The following DNAH3 variants were observed in gnomAD, a reference collection of about 807,000 sequenced individuals.
DNAH3 encodes the protein axonemal beta dynein heavy chain 3.
In DNAH3, 332 loss-of-function variants were observed where a neutral mutation model predicts 432.5. The ratio of observed to expected loss-of-function variants is 0.77; its 90% CI spans 0.70 to 0.84. The LOEUF (loss-of-function observed/expected upper bound fraction) is 0.84. Ranked by LOEUF, DNAH3 falls within the 40% of genes least tolerant of loss-of-function variation. The probability of loss-of-function intolerance (pLI) is 0.00; values close to 1 mark genes in which losing one functional copy is unlikely to be tolerated. For synonymous variants in DNAH3, 1,956 were observed against 1,900.2 expected (o/e 1.03, Z -0.76); for missense variants, 4,861 against 5,114.0 (o/e 0.95, Z 1.51).
At chr16:21,018,736 A>T (rs1184862396) in intron 41 of DNAH3, among the ~76,000 whole-genome samples, 1 of 152,110 alleles carries the variant, frequency 6.6e-6, no homozygotes, top group African/African-American at 2.4e-5. Flanking sequence ...CTCTACTAAA[A>T]ATACAAAAAT....
chr16:21,052,854 T>C (rs937013014), intron 28 of DNAH3, among the ~76,000 whole-genome samples: 1 of 152,170 alleles, frequency 6.6e-6, no homozygotes, highest in African/African-American at 2.4e-5. Context: ...CAGCGTGGCC[T>C]TATATAGCAG....
At chr16:21,152,940 C>T (rs956759731) in intron 1 of DNAH3, among the ~76,000 whole-genome samples, 4 of 152,240 alleles carry the variant, frequency 2.6e-5, no homozygotes, top group Admixed American at 2.0e-4. Flanking sequence ...CCCTGCTCCA[C>T]GGCGCCCAGT....
At chr16:21,156,501 G>A (rs1216380934) in intron 1 of DNAH3, among the ~76,000 whole-genome samples, 1 of 152,160 alleles carries the variant, frequency 6.6e-6, no homozygotes, top group East Asian at 1.9e-4. Context: ...CAAAGTGGTG[G>A]GATTATAGGT....
At position 20,979,980 on chromosome 16, in the gene DNAH3, C is replaced by T. The variant is rs572192877; in HGVS notation, c.7860-434G>A. ...GGTCAGGCTAGTCTGAAACTCCTGA[C>T]CTCAGGTGATCTGCCCACCTTGGCC... On this transcript the variant is annotated intron_variant, in intron 49 of 61. Coordinates refer to ENST00000261383, the Ensembl canonical transcript of DNAH3. Among the ~76,000 whole-genome samples the T allele has an allele frequency of 1.1e-4, 17 of 151,186 alleles. 1 individual carries two copies. Among genetic ancestry groups the T allele is most frequent in the African/African-American group, 4.1e-4 (17 of 41,178 alleles).
chr16:20,976,847 G>T (rs1220543069), intron 50 of DNAH3, among the ~76,000 whole-genome samples: 1 of 152,168 alleles, frequency 6.6e-6, no homozygotes, highest in Non-Finnish European at 1.5e-5. Context: ...ACCAGACAGT[G>T]GATCTGCTAG....
chr16:20,933,634 G>T, intron 61 of DNAH3, 127 bp from the exon 62 acceptor site: 2 of 697,040 alleles, frequency 2.9e-6, no homozygotes, highest in South Asian at 3.9e-5. Context: ...CCAGGATCCA[G>T]GGACAATGGG....
At chr16:20,995,547 G>A (rs575778669) in intron 44 of DNAH3, among the ~76,000 whole-genome samples, 6 of 152,280 alleles carry the variant, frequency 3.9e-5, no homozygotes, top group African/African-American at 1.4e-4. Context: ...ATAGGCATGA[G>A]CCACTGCGCC....
rs1017130862 is a variant in DNAH3, at chr16:21,127,712, C to T, written c.1183G>A (p.Glu395Lys). The change falls in exon 8 of 62, where the codon GAG becomes AAG. Residue 395 changes from glutamate (E) to lysine (K), a missense_variant. By Grantham distance (56) the Glu-to-Lys change is moderately conservative (BLOSUM62 1). Coordinates refer to ENST00000261383, the Ensembl canonical transcript of DNAH3. ...TTGTTGAGAAGAGTCTGGTGTGCCT[C>T]CAGGCAGTGTTTCTGGATCACATCC... is the stretch of plus-strand genomic sequence containing the variant. 1.9e-6 allele frequency: 3 copies of T among 1,614,094 alleles called. No individual in the cohort carries two copies. The Admixed American group carries it at 5.0e-5, about 27-fold the overall frequency.
At chr16:20,987,232 T>C in intron 47 of DNAH3, 73 bp downstream of exon 47, 1 of 1,576,910 alleles carries the variant, frequency 6.3e-7, no homozygotes, top group South Asian at 1.2e-5. Flanking sequence ...GAAGGGAACC[T>C]GAAATCTGAA....
At chr16:21,099,121 T>C (rs1055271470) in intron 16 of DNAH3, among the ~76,000 whole-genome samples, 13 of 152,226 alleles carry the variant, frequency 8.5e-5, no homozygotes, top group Non-Finnish European at 1.5e-4. Flanking sequence ...ATTGAGTGCC[T>C]AATATATTCT....
At chr16:21,123,710 A>T (rs1177666210) in intron 9 of DNAH3, among the ~76,000 whole-genome samples, 1 of 152,202 alleles carries the variant, frequency 6.6e-6, no homozygotes, top group Admixed American at 6.5e-5. Context: ...AAAATTCAAA[A>T]GAATATTCAT....
In DNAH3 at chr16:21,067,776, G is replaced by GGAGAGAGAGAGAGAGAGAGAGAGA. The variant is rs60889532; in HGVS notation, c.3382-381_3382-358dup. 4.0e-3 allele frequency among the ~76,000 whole-genome samples: 163 copies of GGAGAGAGAGAGAGAGAGAGAGAGA among 40,868 alleles called. 4 individuals carry two copies. The highest frequency in any genetic ancestry group is 0.037 in the East Asian group (19 of 520). 26.8% of individuals were successfully genotyped at this position (40,868 alleles called of 152,430 possible). On this transcript the variant is annotated intron_variant, in intron 23 of 61. Coordinates refer to ENST00000261383, the Ensembl canonical transcript of DNAH3. ...CAGTCTTGGGGGGGGGGGTGGGGAG[G>GGAGAGAGAGAGAGAGAGAGAGAGA]GAGAGAGAGAGAGAGAGAGAGAGAG...
chr16:21,062,396 G>GGTGCCTAGTCCCA, intron 25 of DNAH3, 86 bp downstream of exon 25: 1 of 1,090,530 alleles, frequency 9.2e-7, no homozygotes. Context: ...CAGGCAGTCT[G>GGTGCCTAGTCCCA]GTGCTTAGTC....
At chr16:21,158,570 A>T (rs904937526) in intron 1 of DNAH3, 1 of 152,306 alleles carries the variant, frequency 6.6e-6, no homozygotes, top group Non-Finnish European at 1.5e-5. Flanking sequence ...CCTTCCGGCC[A>T]CGGGCGGGGC....
chr16:20,987,658 T>C (rs1468617663), intron 46 of DNAH3, 35 bp downstream of exon 46: 17 of 1,608,030 alleles, frequency 1.1e-5, no homozygotes, highest in Non-Finnish European at 1.4e-5. Flanking sequence ...AAGGATATGC[T>C]GAATGATCTT....
intron 4 of DNAH3, 92 bp from the exon 6 acceptor site, chr16:21,140,802 T>G: frequency 8.4e-7 from 1 of 1,194,560 alleles, no homozygotes; most frequent in Non-Finnish European, 1.2e-6. Context: ...TGAGTGTGGT[T>G]CTGCAAATAG....
chr16:21,158,555 C>G (rs2092916453), intron 1 of DNAH3: 1 of 152,372 alleles, frequency 6.6e-6, no homozygotes, highest in Non-Finnish European at 1.5e-5. Context: ...GCGCCTTTGC[C>G]GGATCCTTCC....
At chr16:20,941,569 G>A (rs780344570) in intron 58 of DNAH3, 26 bp from the exon 59 acceptor site, 1 of 1,612,858 alleles carries the variant, frequency 6.2e-7, no homozygotes. Context: ...GAAGAGAGGT[G>A]AGTGAGAAGC....
intron 49 of DNAH3, among the ~76,000 whole-genome samples, chr16:20,980,529 C>T (rs914898516): frequency 2.6e-5 from 4 of 151,258 alleles, no homozygotes; most frequent in African/African-American, 7.3e-5. Flanking sequence ...CACACCACCA[C>T]ACCCAGCTAA....
Sources: allele counts gnomAD v4.1 joint callset (sites outside exome capture counted in the v4.1 genomes callset), GRCh38; gene constraint gnomAD v4.1.1; transcripts MANE v1.5; gene names NCBI Gene and HGNC (gene_info 2026-07-23, HGNC 2026-07-21).